Variants in SMAD5 observed in about 807,000 individuals in gnomAD.
SMAD5 encodes the protein SMAD family member 5.
A neutral mutation model predicts 43.1 loss-of-function variants in SMAD5; 9 were observed. The ratio of observed to expected loss-of-function variants is 0.21; its 90% CI spans 0.13 to 0.36. The LOEUF (loss-of-function observed/expected upper bound fraction) is 0.36. Ranked by LOEUF, SMAD5 falls within the 10% of genes least tolerant of loss-of-function variation. The pLI is 1.00. For missense variants in SMAD5, 348 were observed against 574.0 expected, an observed-to-expected ratio of 0.61 and a Z score of 4.02; for synonymous variants, 190 against 192.4, an observed-to-expected ratio of 0.99 and a Z score of 0.10.
At chr5:136,139,128 CTGTGTG>C (rs57433582) in intron 1 of SMAD5, among the ~76,000 whole-genome samples, 25 of 140,484 alleles carry the variant, frequency 1.8e-4, no homozygotes, top group South Asian at 6.9e-4. Flanking sequence ...GCTGTGAGCT[CTGTGTG>C]TGTGTGTGTG....
intron 5 of SMAD5, among the ~76,000 whole-genome samples, chr5:136,169,073 G>A (rs1754124554): frequency 1.3e-5 from 2 of 152,172 alleles, no homozygotes; most frequent in South Asian, 4.1e-4. Flanking sequence ...ATCAGTCCAA[G>A]CCCAAAACCT....
At chr5:136,137,102 T>C (rs1427206799) in intron 1 of SMAD5, among the ~76,000 whole-genome samples, 1 of 151,932 alleles carries the variant, frequency 6.6e-6, no homozygotes, top group Non-Finnish European at 1.5e-5. Context: ...TCAGTGACTT[T>C]TCTTCCTCCT....
chr5:136,132,951 G>T lies in SMAD5; in HGVS notation c.-256G>T, dbSNP rs561912489. ...CGACGGCGTCGGGAGAGCGCGCCTA[G>T]CCGGCTCGCGAGTGAGTGAGGGTCC... On this transcript the variant is annotated 5_prime_UTR_variant, in exon 1 of 8. Transcript: ENST00000545279. 9 of 152,370 alleles carry T rather than the reference G, an allele frequency of 5.9e-5. No individual in the cohort carries two copies. The highest frequency in any genetic ancestry group is 2.2e-4 in the African/African-American group (9 of 41,580). 9.4% of individuals were successfully genotyped at this position (152,370 alleles called of 1,614,324 possible).
chr5:136,145,343 T>G (rs1444311669), intron 1 of SMAD5, among the ~76,000 whole-genome samples: 1 of 151,972 alleles, frequency 6.6e-6, no homozygotes, highest in Admixed American at 6.6e-5. Flanking sequence ...TTTCACATCT[T>G]CATTTAGATC....
intron 1 of SMAD5, among the ~76,000 whole-genome samples, chr5:136,143,211 T>A (rs2149761431): frequency 6.6e-6 from 1 of 152,232 alleles, no homozygotes; most frequent in East Asian, 1.9e-4. Context: ...ATTCAGGGTT[T>A]AAACCTTAAC....
intron 3 of SMAD5, among the ~76,000 whole-genome samples, chr5:136,160,534 C>G (rs1472612180): frequency 1.3e-5 from 2 of 151,972 alleles, no homozygotes; most frequent in Admixed American, 1.3e-4. Flanking sequence ...TGGGAGCGCT[C>G]ACCTCTGTTT....
At chr5:136,176,163 A>G (rs1754406985) in intron 7 of SMAD5, among the ~76,000 whole-genome samples, 1 of 152,066 alleles carries the variant, frequency 6.6e-6, no homozygotes, top group Non-Finnish European at 1.5e-5. Flanking sequence ...CGTTAAAAAA[A>G]AAAACCTGGG....
At chr5:136,150,439 T>G (rs893742632) in intron 2 of SMAD5, among the ~76,000 whole-genome samples, 1 of 151,988 alleles carries the variant, frequency 6.6e-6, no homozygotes, top group Admixed American at 6.6e-5. Context: ...GTATGGCACA[T>G]GCAATGGTCC....
At chr5:136,154,707 TTA>T (rs1169387733) in intron 3 of SMAD5, among the ~76,000 whole-genome samples, 1 of 152,164 alleles carries the variant, frequency 6.6e-6, no homozygotes, top group Non-Finnish European at 1.5e-5. Flanking sequence ...TTTATTATCT[TTA>T]TGTTTCATTT....
At chr5:136,146,584 A>G (rs1336073317) in intron 1 of SMAD5, among the ~76,000 whole-genome samples, 2 of 151,730 alleles carry the variant, frequency 1.3e-5, no homozygotes, top group Non-Finnish European at 3.0e-5. Flanking sequence ...CATAATGAGA[A>G]ATTTTTTCAT....
At chr5:136,168,149 G>A (rs1249402666) in intron 5 of SMAD5, among the ~76,000 whole-genome samples, 1 of 152,002 alleles carries the variant, frequency 6.6e-6, no homozygotes, top group African/African-American at 2.4e-5. Flanking sequence ...CCATATTCCT[G>A]CCTTTTTTGA....
chr5:136,174,062 AT>A (rs1018306329), intron 6 of SMAD5, among the ~76,000 whole-genome samples: 2 of 151,276 alleles, frequency 1.3e-5, no homozygotes, highest in African/African-American at 4.8e-5. Flanking sequence ...TCAAAAGATG[AT>A]TTGGGGTTTT....
At chr5:136,155,247 A>G (rs916114319) in intron 3 of SMAD5, among the ~76,000 whole-genome samples, 1 of 152,172 alleles carries the variant, frequency 6.6e-6, no homozygotes, top group African/African-American at 2.4e-5. Flanking sequence ...AACAGCATTC[A>G]TGTAATTGCT....
rs1209663826 is a variant in SMAD5, at chr5:136,147,902, C to T, written c.-174C>T. The T allele has an allele frequency of 1.3e-5, 2 of 151,602 alleles. No homozygotes were observed. Among genetic ancestry groups the T allele is most frequent in the African/African-American group, 4.8e-5 (2 of 41,330 alleles). 9.4% of individuals were successfully genotyped at this position (151,602 alleles called of 1,614,324 possible). ...AGAAATTAAAATGTCCAGAAATCTG[C>T]CTCTGTAAGTAACCTTTTAAGATCA... On this transcript the variant is annotated 5_prime_UTR_variant, in exon 2 of 8. Coordinates refer to ENST00000545279, the MANE Select transcript of SMAD5 (RefSeq NM_005903.7).
intron 2 of SMAD5, among the ~76,000 whole-genome samples, chr5:136,148,642 C>G (rs752292390): frequency 2.6e-5 from 4 of 151,790 alleles, no homozygotes; most frequent in Non-Finnish European, 4.4e-5. Context: ...AGCAGAGTCT[C>G]TAACCCAGGA....
At chr5:136,176,481 AAAG>A (rs1429521563) in intron 7 of SMAD5, among the ~76,000 whole-genome samples, 1 of 146,212 alleles carries the variant, frequency 6.8e-6, no homozygotes. Flanking sequence ...AAAAAAAAAA[AAAG>A]AAACTCTGAC....
chr5:136,160,815 T>C lies in SMAD5; in HGVS notation c.404-41T>C, dbSNP rs750682247. The C allele has an allele frequency of 5.0e-6, 8 of 1,599,268 alleles. No individual in the cohort carries two copies. In the South Asian group the frequency reaches 6.7e-5, roughly 13 times the overall value. The stretch of plus-strand genomic sequence containing the variant: ...CCTTAGTGTGGATGGGGCATTTGTT[T>C]AGTCATTCCTGACAAATGACTTTTG... On this transcript the variant is annotated intron_variant, in intron 3 of 7. Coordinates refer to ENST00000545279, the MANE Select transcript of SMAD5 (RefSeq NM_005903.7).
intron 2 of SMAD5, among the ~76,000 whole-genome samples, chr5:136,151,997 T>C (rs1483951461): frequency 1.3e-5 from 2 of 152,108 alleles, no homozygotes; most frequent in Non-Finnish European, 2.9e-5. Context: ...ACAATTATGC[T>C]TTCATTCTCT....
intron 1 of SMAD5, chr5:136,147,356 G>T (rs1753294190): frequency 6.6e-6 from 1 of 151,752 alleles, no homozygotes; most frequent in African/African-American, 2.4e-5. Flanking sequence ...TTGAAAATGA[G>T]CAAATTAAGC....
Sources: allele counts gnomAD v4.1 joint callset (sites outside exome capture counted in the v4.1 genomes callset), GRCh38; gene constraint gnomAD v4.1.1; transcripts MANE v1.5; gene names NCBI Gene and HGNC (gene_info 2026-07-23, HGNC 2026-07-21).